SPP2: variants seen among roughly 807,000 people sequenced by gnomAD.
The protein encoded by SPP2 is secreted phosphoprotein 24.
In SPP2, 34 loss-of-function variants were observed where a neutral mutation model predicts 28.8. The observed-to-expected ratio is 1.18, with a 90% CI of 0.90 to 1.57. The LOEUF (loss-of-function observed/expected upper bound fraction) is 1.57, where lower values mean the gene tolerates loss of function less well. SPP2 is among the 40% of genes most tolerant of loss of function. SPP2 has a pLI of 0.00. For synonymous variants in SPP2, 96 were observed against 89.4 expected (o/e 1.07, Z -0.42); for missense variants, 269 against 263.9 (o/e 1.02, Z -0.13).
rs2125447693 is a variant in SPP2 at position 234,051,094 on chromosome 2, G to A, written c.209G>A (p.Arg70Lys). 3 of 1,613,122 alleles carry A rather than the reference G, an allele frequency of 1.9e-6. No homozygotes were observed. In the East Asian group the frequency reaches 6.7e-5, roughly 36 times the overall value. ...CGGGCATTCAGAAGCTCATTAAAAA[G>A]AGTAAGTGCAAAATGAAATCTTCTC... ...LFRAFRSSLK[R>K]VEVLDENNLV... Residue 70 changes from arginine (R) to lysine (K), a missense_variant and splice_region_variant, in exon 2 of 8, where the codon AGA becomes AAA. Coordinates refer to ENST00000168148, the MANE Select transcript of SPP2 (RefSeq NM_006944.3).
At chr2:234,065,817 G>C (rs1162285319) in intron 4 of SPP2, among the ~76,000 whole-genome samples, 1 of 151,910 alleles carries the variant, frequency 6.6e-6, no homozygotes, top group Non-Finnish European at 1.5e-5. Context: ...TTTTTGTTTT[G>C]TTGTTTCTGT....
rs141656127 is a variant in SPP2, at chr2:234,069,743, C to T, written c.551-185C>T. Among the ~76,000 whole-genome samples the T allele has an allele frequency of 4.6e-5, 7 of 152,042 alleles. No individual in the cohort carries two copies. The East Asian group carries it at 5.8e-4, about 13-fold the overall frequency. ...CGCTAGACCAAGCTGAAACACAACA[C>T]GGGGGAGAAGGAGAGAGAATGGAAT... On this transcript the variant is annotated intron_variant, in intron 6 of 7. Transcript: ENST00000168148.
Position 234,060,479 on chromosome 2 carries a change from G to A in SPP2, c.444G>A (p.Glu148=), listed in dbSNP as rs771036539. The A allele has an allele frequency of 2.5e-6, 4 of 1,611,332 alleles. No homozygotes were observed. The Admixed American group carries it at 5.0e-5, about 20-fold the overall frequency. The change falls in exon 4 of 8, where the codon GAG becomes GAA. Residue 148 remains glutamate (E), a splice_region_variant and synonymous_variant. Transcript: ENST00000168148. ...SSTSESYSSE[E]MIFGDMLGSH... ...CGTCTGAGTCTTACAGCAGCGAAGA[G>A]GTATGACTGGGGCCTTGTCTCCTCC...
intron 2 of SPP2, among the ~76,000 whole-genome samples, chr2:234,055,214 G>A (rs1181197133): frequency 1.3e-5 from 2 of 152,196 alleles, no homozygotes; most frequent in African/African-American, 4.8e-5. Context: ...AGGCTGGCAA[G>A]TCCAAAAGGA....
intron 7 of SPP2, among the ~76,000 whole-genome samples, chr2:234,074,634 G>C (rs1690860291): frequency 6.6e-6 from 1 of 152,182 alleles, no homozygotes; most frequent in Non-Finnish European, 1.5e-5. Context: ...TATTATCTGA[G>C]GCAGCTATGG....
At chr2:234,065,221 G>T (rs376557224) in intron 4 of SPP2, among the ~76,000 whole-genome samples, 19 of 152,196 alleles carry the variant, frequency 1.2e-4, no homozygotes, top group Middle Eastern at 6.8e-3. Flanking sequence ...GTCAGTTCTT[G>T]TTGGTGCCTG....
chr2:234,051,137 C>T (rs1693488814), intron 2 of SPP2, 42 bp downstream of exon 2: 2 of 1,600,020 alleles, frequency 1.2e-6, no homozygotes, highest in Admixed American at 1.7e-5. Context: ...CCTTCCAATG[C>T]TGTCTGCCTT....
At chr2:234,076,430 T>C (rs1690897970) in intron 7 of SPP2, among the ~76,000 whole-genome samples, 1 of 152,178 alleles carries the variant, frequency 6.6e-6, no homozygotes, top group Non-Finnish European at 1.5e-5. Context: ...GGAATTGGCA[T>C]TTATCAAGCT....
intron 7 of SPP2, among the ~76,000 whole-genome samples, chr2:234,075,741 A>T (rs1325991695): frequency 2.0e-5 from 3 of 151,560 alleles, no homozygotes; most frequent in Non-Finnish European, 4.4e-5. Context: ...TCTCCTCCAC[A>T]CTGTCCCTCC....
intron 7 of SPP2, among the ~76,000 whole-genome samples, chr2:234,070,535 C>T (rs186691783): frequency 1.1e-3 from 165 of 152,322 alleles, no homozygotes; most frequent in Non-Finnish European, 1.7e-3. Context: ...GATCTTGGCT[C>T]ACTGCAACCT....
intron 3 of SPP2, among the ~76,000 whole-genome samples, chr2:234,059,846 GCA>G (rs1257987042): frequency 6.6e-6 from 1 of 152,166 alleles, no homozygotes. Context: ...TCTGAAAAGG[GCA>G]ACACCAGCAG....
chr2:234,072,662 G>T (rs547274790), intron 7 of SPP2, among the ~76,000 whole-genome samples: 1 of 152,144 alleles, frequency 6.6e-6, no homozygotes, highest in Admixed American at 6.5e-5. Context: ...TAGCAGGGCA[G>T]GTTTCTACAC....
At chr2:234,055,137 A>G (rs1482683335) in intron 2 of SPP2, among the ~76,000 whole-genome samples, 2 of 134,508 alleles carry the variant, frequency 1.5e-5, no homozygotes, top group Non-Finnish European at 3.2e-5. Flanking sequence ...ATGCATATGA[A>G]TATATGAGAG....
chr2:234,057,837 A>C (rs1039312859), intron 2 of SPP2, among the ~76,000 whole-genome samples: 1 of 152,252 alleles, frequency 6.6e-6, no homozygotes, highest in African/African-American at 2.4e-5. Flanking sequence ...CTCGTTGCTC[A>C]ATTACTTATT....
At chr2:234,068,640 C>T (rs926888238) in intron 6 of SPP2, among the ~76,000 whole-genome samples, 6 of 150,728 alleles carry the variant, frequency 4.0e-5, no homozygotes, top group African/African-American at 1.5e-4. Context: ...ATTATGACAG[C>T]ATGACCACTG....
chr2:234,051,158 A>G, intron 2 of SPP2, 63 bp downstream of exon 2: 1 of 1,579,452 alleles, frequency 6.3e-7, no homozygotes, highest in South Asian at 1.1e-5. Context: ...TTGTCAGTTC[A>G]TTGGATATAC....
At chr2:234,051,637 T>G (rs1693500070) in intron 2 of SPP2, among the ~76,000 whole-genome samples, 1 of 152,154 alleles carries the variant, frequency 6.6e-6, no homozygotes, top group Non-Finnish European at 1.5e-5. Context: ...TCAAAGGAAA[T>G]GAGAAACATA....
intron 2 of SPP2, among the ~76,000 whole-genome samples, chr2:234,056,778 A>G (rs982015051): frequency 2.0e-5 from 3 of 152,072 alleles, no homozygotes; most frequent in Admixed American, 6.5e-5. Flanking sequence ...TGAGGTAGTA[A>G]TTAATGGTGA....
At chr2:234,057,717 G>A (rs1264308779) in intron 2 of SPP2, among the ~76,000 whole-genome samples, 1 of 152,200 alleles carries the variant, frequency 6.6e-6, no homozygotes, top group African/African-American at 2.4e-5. Context: ...ATGGAGTTTA[G>A]ATTATTTTCC....
Sources: allele counts gnomAD v4.1 joint callset (sites outside exome capture counted in the v4.1 genomes callset), GRCh38; gene constraint gnomAD v4.1.1; transcripts MANE v1.5; gene names NCBI Gene and HGNC (gene_info 2026-07-23, HGNC 2026-07-21).